TMC7: variants seen among roughly 807,000 people sequenced by gnomAD.
TMC7 encodes the protein transmembrane channel-like protein 7.
Under a neutral mutation model 82.9 loss-of-function variants are expected in TMC7, and 54 were observed. The ratio of observed to expected loss-of-function variants is 0.65; its 90% confidence interval spans 0.52 to 0.82. TMC7 has a LOEUF of 0.82. Ranked by LOEUF, TMC7 falls within the 40% of genes least tolerant of loss-of-function variation. The probability of loss-of-function intolerance (pLI) is 0.00; values close to 1 mark genes in which losing one functional copy is unlikely to be tolerated. For missense variants in TMC7, 820 were observed against 901.2 expected (o/e 0.91, Z 1.15); for synonymous variants, 350 against 337.9 (o/e 1.04, Z -0.39).
At chr16:19,038,157 TATG>T in intron 8 of TMC7, 110 bp downstream of exon 8, 3 of 1,116,346 alleles carry the variant, frequency 2.7e-6, no homozygotes, top group Non-Finnish European at 2.6e-6. Flanking sequence ...GTTTGGCTGA[TATG>T]ATCAAGACCT....
intron 1 of TMC7, among the ~76,000 whole-genome samples, chr16:19,005,610 C>A (rs2039225669): frequency 6.6e-6 from 1 of 152,188 alleles, no homozygotes; most frequent in Non-Finnish European, 1.5e-5. Context: ...GTATTTTAAA[C>A]CAACCCAGGC....
intron 3 of TMC7, among the ~76,000 whole-genome samples, chr16:19,016,911 C>G: frequency 6.6e-6 from 1 of 152,120 alleles, no homozygotes; most frequent in East Asian, 1.9e-4. Context: ...GAAGACCAGG[C>G]GCAGTGGCTC....
intron 6 of TMC7, among the ~76,000 whole-genome samples, chr16:19,034,327 G>T (rs892983666): frequency 1.3e-5 from 2 of 152,134 alleles, no homozygotes; most frequent in African/African-American, 4.8e-5. Context: ...GGCTAGGTGC[G>T]GTGGCTCATG....
Position 19,013,900 on chromosome 16 carries a change from C to A in TMC7, c.312-2550C>A, listed in dbSNP as rs1335841706. ...ATGGGGTCTCGCTCTATTGCCCAGG[C>A]TGGAGTGCACTGGCACCATCTTGGG... is the stretch of plus-strand genomic sequence containing the variant. On this transcript the variant is annotated intron_variant, in intron 2 of 15. Transcript: ENST00000304381. Among the ~76,000 whole-genome samples, 6 of 134,344 alleles carry A rather than the reference C, an allele frequency of 4.5e-5. No individual in the cohort carries two copies. In the East Asian group the frequency reaches 1.4e-3, roughly 31 times the overall value. 88.1% of individuals were successfully genotyped at this position (134,344 alleles called of 152,430 possible). A position where few individuals can be genotyped will look rare whatever the true frequency, so the allele number is the denominator to read the frequency against.
chr16:19,002,069 A>C (rs2039150756), intron 1 of TMC7, among the ~76,000 whole-genome samples: 1 of 152,002 alleles, frequency 6.6e-6, no homozygotes, highest in South Asian at 2.1e-4. Context: ...TGCCATTTAG[A>C]TCATACTTGG....
Position 18,983,993 on chromosome 16 carries a change from C to A in TMC7, c.-71C>A. The A allele has an allele frequency of 7.4e-7, 1 of 1,343,952 alleles. No homozygotes were observed. The highest frequency in any genetic ancestry group is 1.8e-5 in the South Asian group (1 of 56,474). 83.3% of individuals were successfully genotyped at this position (1,343,952 alleles called of 1,614,324 possible). On this transcript the variant is annotated 5_prime_UTR_variant, in exon 1 of 16. Transcript: ENST00000304381. Reference sequence around the variant, plus strand: ...GAATCCCGGCTCCGCGAGGGAAGGCCGGGGAGGCGGCGGCGGCGGCGGCGG... The same window carrying A: ...GAATCCCGGCTCCGCGAGGGAAGGCAGGGGAGGCGGCGGCGGCGGCGGCGG...
chr16:19,000,460 G>A (rs984156289), intron 1 of TMC7, among the ~76,000 whole-genome samples: 5 of 152,124 alleles, frequency 3.3e-5, no homozygotes, highest in Admixed American at 2.6e-4. Flanking sequence ...GGGTGACAGA[G>A]CAAGACTCTG....
At chr16:19,001,118 T>C (rs969476073) in intron 1 of TMC7, among the ~76,000 whole-genome samples, 9 of 152,218 alleles carry the variant, frequency 5.9e-5, no homozygotes, top group Non-Finnish European at 1.2e-4. Context: ...CTAAAATCTT[T>C]TACTCATTTT....
At chr16:18,987,853 A>G (rs538941573) in intron 1 of TMC7, among the ~76,000 whole-genome samples, 17 of 152,186 alleles carry the variant, frequency 1.1e-4, no homozygotes, top group South Asian at 4.1e-4. Flanking sequence ...GGGACACTCA[A>G]TGAAAGAACC....
At chr16:19,007,085 A>G (rs1172246163) in intron 1 of TMC7, among the ~76,000 whole-genome samples, 2 of 151,518 alleles carry the variant, frequency 1.3e-5, no homozygotes, top group African/African-American at 4.9e-5. Flanking sequence ...TCGGCCTCCC[A>G]AAATGCTGGG....
At chr16:18,993,285 A>G (rs2142124835) in intron 1 of TMC7, among the ~76,000 whole-genome samples, 1 of 152,284 alleles carries the variant, frequency 6.6e-6, no homozygotes, top group East Asian at 1.9e-4. Flanking sequence ...TCAAGAGTGG[A>G]GGATTGGGGA....
chr16:19,007,102 G>A (rs1013003356), intron 1 of TMC7, among the ~76,000 whole-genome samples: 4 of 152,042 alleles, frequency 2.6e-5, no homozygotes, highest in Non-Finnish European at 4.4e-5. Flanking sequence ...TGGGATTACA[G>A]GTGTGAGCCA....
Position 18,984,039 on chromosome 16 carries a change from C to G in TMC7, c.-25C>G, listed in dbSNP as rs375014783. The G allele has an allele frequency of 2.0e-6, 3 of 1,467,296 alleles. No individual in the cohort carries two copies. The highest frequency in any genetic ancestry group is 4.9e-5 in the Admixed American group (2 of 41,166). 90.9% of individuals were successfully genotyped at this position (1,467,296 alleles called of 1,614,324 possible). ...GGCGGCTGGAGAGGGTCCTCGGCAGCCTCTGAGGAGCGCGGGGCGCGGCCA... is the reference window on the plus strand; with the variant it reads ...GGCGGCTGGAGAGGGTCCTCGGCAGGCTCTGAGGAGCGCGGGGCGCGGCCA... On this transcript the variant is annotated 5_prime_UTR_variant, in exon 1 of 16. Transcript: ENST00000304381.
At chr16:18,995,610 C>T (rs569378699) in intron 1 of TMC7, among the ~76,000 whole-genome samples, 10 of 152,256 alleles carry the variant, frequency 6.6e-5, no homozygotes, top group African/African-American at 2.2e-4. Context: ...CTGGGGGAGG[C>T]GGTCCTGGAG....
intron 1 of TMC7, among the ~76,000 whole-genome samples, chr16:18,995,588 T>C (rs2039030019): frequency 6.6e-6 from 1 of 152,172 alleles, no homozygotes; most frequent in Non-Finnish European, 1.5e-5. Flanking sequence ...TTCCAGCACT[T>C]AGAGCAAGAT....
At position 19,053,987 on chromosome 16, in the gene TMC7, TTC is replaced by T. The variant is rs756995607; in HGVS notation, c.1871+2177_1871+2178del. The stretch of plus-strand genomic sequence containing the variant: ...CGTGAGCCACCGTGACTGGCCACTT[TTC>T]TCTCTTTTTCTCTCAATGGTTCTTC... On this transcript the variant is annotated intron_variant, in intron 13 of 15. Coordinates refer to ENST00000304381, the MANE Select transcript of TMC7 (RefSeq NM_024847.4). Among the ~76,000 whole-genome samples, 3 of 152,062 alleles carry T rather than the reference TTC, an allele frequency of 2.0e-5. No individual in the cohort carries two copies. In the East Asian group the frequency reaches 5.8e-4, roughly 29 times the overall value.
chr16:19,006,279 C>G (rs1241089594), intron 1 of TMC7, among the ~76,000 whole-genome samples: 1 of 151,688 alleles, frequency 6.6e-6, no homozygotes, highest in Non-Finnish European at 1.5e-5. Flanking sequence ...CGGCTCACTG[C>G]AACCTCCGCC....
chr16:19,016,447 C>A lies in TMC7; in HGVS notation c.312-3C>A, dbSNP rs990876509. 8 of 1,613,926 alleles carry A rather than the reference C, an allele frequency of 5.0e-6. No individual in the cohort carries two copies. Among genetic ancestry groups the A allele is most frequent in the Non-Finnish European group, 6.8e-6 (8 of 1,179,902 alleles). ...CATTGTCATGATCATGTTTTCCATG[C>A]AGGGACATTCAAGAGACACAAATGA... is the stretch of plus-strand genomic sequence containing the variant. On this transcript the variant is annotated splice_region_variant and splice_polypyrimidine_tract_variant and intron_variant, in intron 2 of 15. Transcript: ENST00000304381.
At chr16:19,021,336 G>T (rs1041891371) in intron 3 of TMC7, among the ~76,000 whole-genome samples, 2 of 152,124 alleles carry the variant, frequency 1.3e-5, no homozygotes, top group Non-Finnish European at 2.9e-5. Flanking sequence ...AAAAAAGGCA[G>T]CCAATAAATG....
Sources: allele counts gnomAD v4.1 joint callset (sites outside exome capture counted in the v4.1 genomes callset), GRCh38; gene constraint gnomAD v4.1.1; transcripts MANE v1.5; gene names NCBI Gene and HGNC (gene_info 2026-07-23, HGNC 2026-07-21).